Variants in FBXO40 observed in about 807,000 individuals in gnomAD.
The protein encoded by FBXO40 is F-box only protein 40.
A neutral mutation model predicts 49.9 loss-of-function variants in FBXO40; 50 were observed. That is an observed-to-expected ratio of 1.00 (90% CI 0.80 to 1.27). FBXO40 has a LOEUF of 1.27. FBXO40 is among the 50% of genes most tolerant of loss of function. FBXO40 has a pLI of 0.00. For synonymous variants in FBXO40, 340 were observed against 320.2 expected, an observed-to-expected ratio of 1.06 and a Z score of -0.66; for missense variants, 895 against 870.1, an observed-to-expected ratio of 1.03 and a Z score of -0.36.
chr3:121,622,249 A>T lies in FBXO40; in HGVS notation c.820A>T (p.Lys274Ter). The T allele has an allele frequency of 6.2e-7, 1 of 1,614,194 alleles. No homozygotes were observed. Among genetic ancestry groups the T allele is most frequent in the East Asian group, 2.2e-5 (1 of 44,892 alleles). The change falls in exon 3 of 4, where the codon AAG becomes TAG. Residue 274 changes from lysine (K) to a stop codon, truncating the protein, a stop_gained. Transcript: ENST00000338040. LOFTEE classifies it high-confidence loss of function. ...AAAGAAAGAACCACAGGAAAATCAG[A>T]AGCAGCAGGACGTTCGTACAGCCAT... ...PKKKEPQENQ[K>*]QQDVRTAMET...
intron 1 of FBXO40, among the ~76,000 whole-genome samples, chr3:121,602,077 T>C (rs964162684): frequency 1.3e-5 from 2 of 152,236 alleles, no homozygotes; most frequent in African/African-American, 2.4e-5. Context: ...TTCTTAACTT[T>C]GCAGTATCAT....
At chr3:121,607,424 C>T (rs2108846478) in intron 1 of FBXO40, among the ~76,000 whole-genome samples, 1 of 148,844 alleles carries the variant, frequency 6.7e-6, no homozygotes, top group Non-Finnish European at 1.5e-5. Context: ...ATTCTCCTGC[C>T]TCAGCCTCCC....
intron 1 of FBXO40, among the ~76,000 whole-genome samples, chr3:121,598,521 C>G (rs959729979): frequency 6.6e-6 from 1 of 152,144 alleles, no homozygotes; most frequent in Non-Finnish European, 1.5e-5. Context: ...CTAGATTTTT[C>G]TAGATGTGCT....
At chr3:121,624,650 CT>C (rs1184060758) in intron 3 of FBXO40, among the ~76,000 whole-genome samples, 3 of 152,172 alleles carry the variant, frequency 2.0e-5, no homozygotes, top group Non-Finnish European at 4.4e-5. Context: ...GGCTTCCCCC[CT>C]GCATGGTTCC....
At chr3:121,597,964 A>G (rs1025934870) in intron 1 of FBXO40, among the ~76,000 whole-genome samples, 2 of 152,152 alleles carry the variant, frequency 1.3e-5, no homozygotes, top group South Asian at 4.1e-4. Flanking sequence ...TGCCCTGCTT[A>G]TAAGTCCTAC....
chr3:121,602,808 A>G (rs1218290295), intron 1 of FBXO40, among the ~76,000 whole-genome samples: 3 of 152,164 alleles, frequency 2.0e-5, no homozygotes, highest in Admixed American at 6.5e-5. Flanking sequence ...GTGACCTGGA[A>G]TATGGCAGGA....
At chr3:121,620,454 T>G (rs2049024054) in intron 1 of FBXO40, 92 bp from the exon 2 acceptor site, 416 of 1,130,426 alleles carry the variant, frequency 3.7e-4, no homozygotes, top group East Asian at 9.5e-4. Context: ...AGGAATTAAA[T>G]GAGATAGTGT....
chr3:121,617,406 C>G (rs2049003338), intron 1 of FBXO40, among the ~76,000 whole-genome samples: 1 of 151,274 alleles, frequency 6.6e-6, no homozygotes. Flanking sequence ...CCATCCTGGA[C>G]AACGTGGTGA....
In FBXO40 at chr3:121,622,077, CCA is replaced by C; in HGVS notation, c.649_650del (p.Gln217ValfsTer22). ...KEGMDLVKFG[Q>X]WENIFSKEHA... ...AAGGGATGGACCTGGTCAAGTTTGG[CCA>C]GTGGGAAAATATTTTCAGCAAAGAG... On this transcript the variant is annotated frameshift_variant, in exon 3 of 4. Transcript: ENST00000338040. LOFTEE classifies it high-confidence loss of function. 1 of 1,614,130 alleles carries C rather than the reference CCA, an allele frequency of 6.2e-7. No homozygotes were observed.
At chr3:121,604,233 TG>T (rs2048919182) in intron 1 of FBXO40, among the ~76,000 whole-genome samples, 1 of 152,168 alleles carries the variant, frequency 6.6e-6, no homozygotes, top group Non-Finnish European at 1.5e-5. Context: ...AGAGGTAGCT[TG>T]AAGCTGTTGC....
At position 121,608,651 on chromosome 3, in the gene FBXO40, T is replaced by C. The variant is rs933262183; in HGVS notation, c.-30-11895T>C. 2.0e-5 allele frequency among the ~76,000 whole-genome samples: 3 copies of C among 152,198 alleles called. No homozygotes were observed. The South Asian group carries it at 6.2e-4, about 31-fold the overall frequency. ...TCATCCACTGGTGCCCTTTAGCTTC[T>C]AGGACCCCCTGGACTTGGTGTGTGG... On this transcript the variant is annotated intron_variant, in intron 1 of 3. Transcript: ENST00000338040.
rs757601146 is a variant in FBXO40 at position 121,626,732 on chromosome 3, G to A, written c.1952G>A (p.Ser651Asn). The change falls in exon 4 of 4, where the codon AGC (serine) becomes AAC (asparagine). Residue 651 changes from serine to asparagine, a missense_variant. Physicochemically the swap from Ser to Asn is conservative, Grantham distance 46. Transcript: ENST00000338040. The stretch of plus-strand genomic sequence containing the variant: ...AGCAGCCTCTTCTCCAAAATCAAGA[G>A]CTGGGAGTTTAATGAAGTCACCTCC... ...QFSSLFSKIK[S>N]WEFNEVTSMS... 2 of 1,614,014 alleles carry A rather than the reference G, an allele frequency of 1.2e-6. No individual in the cohort carries two copies. The highest frequency in any genetic ancestry group is 1.1e-5 in the South Asian group (1 of 91,074).
At chr3:121,625,582 T>G (rs925928144) in intron 3 of FBXO40, among the ~76,000 whole-genome samples, 2 of 152,166 alleles carry the variant, frequency 1.3e-5, no homozygotes. Flanking sequence ...CACACTGCCT[T>G]CAGGAATCGT....
chr3:121,606,963 T>G (rs1388438080), intron 1 of FBXO40, among the ~76,000 whole-genome samples: 2 of 152,188 alleles, frequency 1.3e-5, no homozygotes, highest in East Asian at 1.9e-4. Context: ...GAATTATTTC[T>G]TTTAATAAAC....
intron 1 of FBXO40, among the ~76,000 whole-genome samples, chr3:121,611,631 T>TCAA (rs1189749676): frequency 2.0e-5 from 3 of 152,096 alleles, no homozygotes; most frequent in South Asian, 2.1e-4. Flanking sequence ...TTCCTCTATC[T>TCAA]CAACTGCAAG....
rs137900064 is a variant in FBXO40 at position 121,597,658 on chromosome 3, C to CTTTTTTTTTTTTTTTTTTTTTT, written c.-31+4156_-31+4157insTTTTTTTTTTTTTTTTTTTTTT. On this transcript the variant is annotated intron_variant, in intron 1 of 3. Transcript: ENST00000338040. ...CAACCCTATTGGTTATTATAGGCCC[C>CTTTTTTTTTTTTTTTTTTTTTT]CTTTTTTTTTTTTTTTTTTTTGAGA... Among the ~76,000 whole-genome samples, 6 of 127,820 alleles carry CTTTTTTTTTTTTTTTTTTTTTT rather than the reference C, an allele frequency of 4.7e-5. 2 individuals are homozygous for CTTTTTTTTTTTTTTTTTTTTTT. Among genetic ancestry groups the CTTTTTTTTTTTTTTTTTTTTTT allele is most frequent in the Non-Finnish European group, 8.0e-5 (5 of 62,146 alleles). 83.9% of individuals were successfully genotyped at this position (127,820 alleles called of 152,430 possible).
chr3:121,623,166 G>A lies in FBXO40; in HGVS notation c.1737G>A (p.Glu579=). Residue 579 remains glutamate (E), a synonymous_variant, in exon 3 of 4, where the codon GAG becomes GAA. Transcript: ENST00000338040. Reference sequence around the variant, plus strand: ...ATTCTTTAACCAGCCTGCCCCTGGAGATTTTGAAGTACATTGCTGGGTTCT... The same window carrying A: ...ATTCTTTAACCAGCCTGCCCCTGGAAATTTTGAAGTACATTGCTGGGTTCT... The part of the protein sequence containing the change: ...SQNSLTSLPL[E]ILKYIAGFLD... 1 of 1,614,220 alleles carries A rather than the reference G, an allele frequency of 6.2e-7. No individual in the cohort carries two copies. Among genetic ancestry groups the A allele is most frequent in the African/African-American group, 1.3e-5 (1 of 75,064 alleles).
rs2049063993 is a variant in FBXO40 at position 121,626,826 on chromosome 3, T to A, written c.2046T>A (p.Thr682=). ...VEHKTDPILL[T]SMCQPREQAR... is the part of the protein sequence containing the mutation. ...ACAAAACTGACCCGATTCTTTTGAC[T>A]AGCATGTGTCAGCCCCGTGAGCAGG... The change falls in exon 4 of 4, where the codon ACT becomes ACA. Residue 682 remains threonine, a synonymous_variant. Transcript: ENST00000338040. 6.2e-7 allele frequency: 1 copy of A among 1,614,054 alleles called. No individual in the cohort carries two copies. The highest frequency in any genetic ancestry group is 1.3e-5 in the African/African-American group (1 of 74,918).
intron 1 of FBXO40, among the ~76,000 whole-genome samples, chr3:121,599,444 G>T (rs1254961448): frequency 6.8e-6 from 1 of 147,088 alleles, no homozygotes; most frequent in Middle Eastern, 3.2e-3. Context: ...CTCCAGCCTG[G>T]GCAACAGGAG....
Sources: gnomAD v4.1 joint callset for allele counts (sites outside exome capture counted in the v4.1 genomes callset) on GRCh38, gnomAD v4.1.1 for gene constraint, MANE v1.5 for transcripts, NCBI Gene and HGNC (gene_info 2026-07-23, HGNC 2026-07-21) for gene names.